The following GALNT13 variants were observed in gnomAD, a reference collection of about 807,000 sequenced individuals.
GALNT13 encodes UDP-GalNAc:polypeptide N-acetylgalactosaminyltransferase 13.
GALNT13 carries 28 observed loss-of-function variants against 64.2 expected under a neutral mutation model. The observed-to-expected ratio is 0.44, with a 90% CI of 0.32 to 0.60. GALNT13 has a LOEUF of 0.60. Among genes scored for constraint, GALNT13 ranks in the 20% least tolerant of loss-of-function variants. The pLI, the probability that GALNT13 is intolerant of heterozygous loss-of-function variation, is 0.05. For missense variants in GALNT13, 577 were observed against 669.8 expected, an observed-to-expected ratio of 0.86 and a Z score of 1.53; for synonymous variants, 214 against 224.6, an observed-to-expected ratio of 0.95 and a Z score of 0.42.
intron 4 of GALNT13, among the ~76,000 whole-genome samples, chr2:154,229,228 A>C (rs1477939056): frequency 6.6e-6 from 1 of 152,142 alleles, no homozygotes. Flanking sequence ...TACTCTGGAT[A>C]CAGAGCTTCA....
At chr2:153,248,074 C>T in the GALNT13 span, among the ~76,000 whole-genome samples, 1 of 152,146 alleles carries the variant, frequency 6.6e-6, no homozygotes, top group African/African-American at 2.4e-5. Context: ...TAATTGATAG[C>T]CTGCTAACTA....
chr2:153,190,927 A>G, the GALNT13 span, among the ~76,000 whole-genome samples: 1 of 152,038 alleles, frequency 6.6e-6, no homozygotes, highest in Admixed American at 6.6e-5. Flanking sequence ...TTGATTTTGT[A>G]TCTGAAACTT....
chr2:154,348,411 TAC>T (rs1040216196), intron 9 of GALNT13, among the ~76,000 whole-genome samples: 28 of 152,116 alleles, frequency 1.8e-4, no homozygotes, highest in Non-Finnish European at 3.7e-4. Flanking sequence ...TTCTCGGTGT[TAC>T]AGTGTGCTTT....
the GALNT13 span, among the ~76,000 whole-genome samples, chr2:153,532,665 A>G: frequency 1.3e-5 from 2 of 151,954 alleles, no homozygotes; most frequent in African/African-American, 4.8e-5. Flanking sequence ...TCAGTTTTAC[A>G]TTATTTCCTT....
the GALNT13 span, among the ~76,000 whole-genome samples, chr2:153,631,260 G>A: frequency 2.6e-5 from 4 of 152,074 alleles, no homozygotes; most frequent in African/African-American, 9.7e-5. Context: ...GAATAATGCT[G>A]CAATAAACAT....
At chr2:154,025,105 T>TG (rs924542370) in intron 3 of GALNT13, among the ~76,000 whole-genome samples, 1 of 152,130 alleles carries the variant, frequency 6.6e-6, no homozygotes, top group Non-Finnish European at 1.5e-5. Context: ...CCGCCCCTAC[T>TG]GGGGGGTGCC....
chr2:153,298,784 C>A, the GALNT13 span, among the ~76,000 whole-genome samples: 2 of 152,246 alleles, frequency 1.3e-5, no homozygotes, highest in African/African-American at 4.8e-5. Flanking sequence ...ACCTTTCAAG[C>A]AGTTTAGCAC....
chr2:154,199,173 G>A (rs1687040304), intron 4 of GALNT13, among the ~76,000 whole-genome samples: 1 of 151,576 alleles, frequency 6.6e-6, no homozygotes, highest in African/African-American at 2.4e-5. Context: ...AATCATCATG[G>A]TATGTTTAGA....
intron 3 of GALNT13, among the ~76,000 whole-genome samples, chr2:154,015,671 A>G (rs1209720421): frequency 6.6e-6 from 1 of 152,218 alleles, no homozygotes; most frequent in East Asian, 1.9e-4. Context: ...TGTTTGGAAG[A>G]AATGAATGAA....
the GALNT13 span, among the ~76,000 whole-genome samples, chr2:153,833,914 C>T: frequency 0.29 from 44,021 of 151,802 alleles, 6,972 homozygotes; most frequent in Middle Eastern, 0.42. Flanking sequence ...TTTTTGATTC[C>T]CTTCTTAGTA....
At chr2:153,476,974 TC>T in the GALNT13 span, among the ~76,000 whole-genome samples, 4 of 152,150 alleles carry the variant, frequency 2.6e-5, no homozygotes, top group Non-Finnish European at 4.4e-5. Context: ...AGCCGTCTCT[TC>T]CTTTCATTAG....
At chr2:153,883,476 C>G (rs1686921983) in intron 1 of GALNT13, among the ~76,000 whole-genome samples, 1 of 151,968 alleles carries the variant, frequency 6.6e-6, no homozygotes, top group South Asian at 2.1e-4. Context: ...CATTTTAAGA[C>G]ATATGAAGAC....
chr2:153,720,630 C>G, the GALNT13 span, among the ~76,000 whole-genome samples: 1 of 151,534 alleles, frequency 6.6e-6, no homozygotes, highest in East Asian at 2.0e-4. Context: ...GCTGATCGAG[C>G]TGAAAACCAA....
At chr2:153,226,696 G>A in the GALNT13 span, among the ~76,000 whole-genome samples, 1 of 152,160 alleles carries the variant, frequency 6.6e-6, no homozygotes, top group South Asian at 2.1e-4. Flanking sequence ...GTTATAGTCA[G>A]GAGAAGTCTA....
the GALNT13 span, among the ~76,000 whole-genome samples, chr2:153,464,289 T>A: frequency 1.3e-5 from 2 of 152,044 alleles, no homozygotes; most frequent in Non-Finnish European, 2.9e-5. Flanking sequence ...TCCCACCCCA[T>A]CACTGTGCCT....
the GALNT13 span, among the ~76,000 whole-genome samples, chr2:153,860,471 C>A: frequency 4.0e-5 from 6 of 151,758 alleles, no homozygotes; most frequent in Admixed American, 3.9e-4. Flanking sequence ...AGGACCAAAT[C>A]AGTTGACTTC....
chr2:154,206,494 G>T (rs1296742424), intron 4 of GALNT13, among the ~76,000 whole-genome samples: 2 of 151,876 alleles, frequency 1.3e-5, no homozygotes, highest in Non-Finnish European at 2.9e-5. Flanking sequence ...CAGTTATCTA[G>T]GGGTACAAGA....
At chr2:154,115,573 A>G (rs1703249416) in intron 3 of GALNT13, among the ~76,000 whole-genome samples, 1 of 152,074 alleles carries the variant, frequency 6.6e-6, no homozygotes, top group Admixed American at 6.5e-5. Context: ...GGCACCCACC[A>G]TGACACATGG....
chr2:153,873,448 G>A (rs1422644798), intron 1 of GALNT13, among the ~76,000 whole-genome samples: 3 of 152,206 alleles, frequency 2.0e-5, no homozygotes, highest in Non-Finnish European at 4.4e-5. Context: ...AGGAGAGTCT[G>A]CCTCCCCAAC....
Sources: gnomAD v4.1 joint callset for allele counts (sites outside exome capture counted in the v4.1 genomes callset) on GRCh38, gnomAD v4.1.1 for gene constraint, MANE v1.5 for transcripts, NCBI Gene and HGNC (gene_info 2026-07-23, HGNC 2026-07-21) for gene names.